APBB3: variants seen among roughly 807,000 people sequenced by gnomAD.
APBB3 encodes amyloid beta precursor protein binding family B member 3.
APBB3 carries 50 observed loss-of-function variants against 61.5 expected under a neutral mutation model. The observed-to-expected ratio is 0.81, with a 90% CI of 0.65 to 1.03. The LOEUF (loss-of-function observed/expected upper bound fraction) is 1.03. Ranked by LOEUF, APBB3 falls within the 50% of genes least tolerant of loss-of-function variation. The pLI is 0.00. For synonymous variants in APBB3, 235 were observed against 233.0 expected, an observed-to-expected ratio of 1.01 and a Z score of -0.08; for missense variants, 550 against 637.4, an observed-to-expected ratio of 0.86 and a Z score of 1.48.
chr5:140,564,252 G>A lies in APBB3; in HGVS notation c.-7C>T. ...TGTAATCCTTGCCCAGCATAACCCC[G>A]GCTGCTCCCCGCCAGCCTCTGCCGG... On this transcript the variant is annotated 5_prime_UTR_variant, in exon 1 of 13. Transcript: ENST00000357560. The surrounding 1 kb of genome is among the most constrained non-coding windows in gnomAD (Gnocchi z 5.0). 6.2e-7 allele frequency: 1 copy of A among 1,609,408 alleles called. No individual in the cohort carries two copies. Among genetic ancestry groups the A allele is most frequent in the Non-Finnish European group, 8.5e-7 (1 of 1,179,966 alleles).
chr5:140,564,523 A>C lies in APBB3; in HGVS notation c.-278T>G. The C allele has an allele frequency of 1.8e-6, 1 of 562,638 alleles. No individual in the cohort carries two copies. 34.9% of individuals were successfully genotyped at this position (562,638 alleles called of 1,614,324 possible). ...GTGTGGGTCCGGGGGAGGCCCACGA[A>C]CGCCAGCGAAACCGCTGACACCACC... On this transcript the variant is annotated 5_prime_UTR_variant, in exon 1 of 13. Coordinates refer to ENST00000357560, the MANE Select transcript of APBB3 (RefSeq NM_133173.3). This position sits in a 1 kb window ranked among gnomAD's most constrained non-coding sequence, Gnocchi z 5.0.
Position 140,560,222 on chromosome 5 carries a change from T to G in APBB3, c.1224+91A>C. 1 of 1,435,570 alleles carries G rather than the reference T, an allele frequency of 7.0e-7. No individual in the cohort carries two copies. Among genetic ancestry groups the G allele is most frequent in the Non-Finnish European group, 9.5e-7 (1 of 1,052,338 alleles). The allele number at this position is 1,435,570 out of a possible 1,614,324, so 88.9% of individuals were successfully genotyped here. On this transcript the variant is annotated intron_variant, in intron 12 of 12. Coordinates refer to ENST00000357560, the MANE Select transcript of APBB3 (RefSeq NM_133173.3). This position sits in a 1 kb window ranked among gnomAD's most constrained non-coding sequence, Gnocchi z 5.1. ...AACCAGAATCAGCCCAGGTTTGTGA[T>G]CTCTGAAGAGGCTGCCGACCCGGAG... is the stretch of plus-strand genomic sequence containing the variant.
Position 140,558,475 on chromosome 5 carries a change from G to T in APBB3, c.*110C>A. On this transcript the variant is annotated 3_prime_UTR_variant, in exon 13 of 13. Coordinates refer to ENST00000357560, the MANE Select transcript of APBB3 (RefSeq NM_133173.3). ...ATAGACGGTGGACAAGGATCGGAGG[G>T]ACAGGCAGAGAAGGCTTCAAGGAGT... The T allele has an allele frequency of 9.5e-7, 1 of 1,052,222 alleles. No homozygotes were observed. The highest frequency in any genetic ancestry group is 1.5e-6 in the Non-Finnish European group (1 of 673,064). The allele number at this position is 1,052,222 out of a possible 1,614,324, so 65.2% of individuals were successfully genotyped here.
At position 140,563,662 on chromosome 5, in the gene APBB3, C is replaced by A; in HGVS notation, c.222G>T (p.Glu74Asp). 1.2e-6 allele frequency: 2 copies of A among 1,614,200 alleles called. No homozygotes were observed. Among genetic ancestry groups the A allele is most frequent in the Non-Finnish European group, 1.7e-6 (2 of 1,180,028 alleles). ...GDAEDPGTGT[E>D]GIWGLRPPKG... ...TGGGGGGCCGCAGTCCCCAGATCCC[C>A]TCCGTTCCCTGTAGAGTGGGAGTTA... is the stretch of plus-strand genomic sequence containing the variant. The change falls in exon 3 of 13, where the codon GAG becomes GAT. Residue 74 changes from glutamate (E) to aspartate (D), a missense_variant. This residue lies in a region of APBB3 where 405 missense variants were observed against 483.4 expected (regional missense o/e 0.84). Transcript: ENST00000357560.
At position 140,560,712 on chromosome 5, in the gene APBB3, CT is replaced by C. The variant is rs768622535; in HGVS notation, c.958del (p.Arg320GlyfsTer19). The C allele has an allele frequency of 1.1e-5, 18 of 1,614,214 alleles. No homozygotes were observed. Among genetic ancestry groups the C allele is most frequent in the East Asian group, 4.5e-5 (2 of 44,884 alleles). Reference protein sequence around the residue: ...LNEAIGTLTARGDRNAWVPTM... With the variant: ...LNEAIGTLTAXGDRNAWVPTM... ...GGGGACCCAGGCATTCCGGTCCCCC[CT>C]GGCGGTGAGGGTACCAATGGCCTCG... On this transcript the variant is annotated frameshift_variant, in exon 11 of 13. Transcript: ENST00000357560. LOFTEE classifies it high-confidence loss of function. This position sits in a 1 kb window ranked among gnomAD's most constrained non-coding sequence, Gnocchi z 5.1.
intron 3 of APBB3, 27 bp from the exon 4 acceptor site, chr5:140,562,750 GACC>G (rs756911355): frequency 3.0e-5 from 49 of 1,613,060 alleles, no homozygotes; most frequent in Non-Finnish European, 4.1e-5. Context: ...CTGTTAAGAG[GACC>G]ACATTTCCTA....
chr5:140,563,969 T>A, intron 1 of APBB3, 54 bp from the exon 2 acceptor site: 1 of 1,591,512 alleles, frequency 6.3e-7, no homozygotes. Flanking sequence ...GAGTTCAGAA[T>A]AACATGCTGT....
At chr5:140,559,134 C>T (rs1754836947) in intron 12 of APBB3, among the ~76,000 whole-genome samples, 1 of 152,192 alleles carries the variant, frequency 6.6e-6, no homozygotes, top group Non-Finnish European at 1.5e-5. Context: ...CAAGGTCACA[C>T]AGCCAGAGAA....
intron 9 of APBB3, 69 bp downstream of exon 9, chr5:140,561,296 G>C: frequency 6.4e-7 from 1 of 1,570,972 alleles, no homozygotes; most frequent in South Asian, 1.1e-5. Context: ...TAAATAACCA[G>C]AAATCGCCCC....
chr5:140,564,113 C>T lies in APBB3; in HGVS notation c.49+84G>A. The T allele has an allele frequency of 3.8e-6, 6 of 1,585,116 alleles. No homozygotes were observed. The highest frequency in any genetic ancestry group is 4.3e-6 in the Non-Finnish European group (5 of 1,158,564). On this transcript the variant is annotated intron_variant, in intron 1 of 12. Transcript: ENST00000357560. This position sits in a 1 kb window ranked among gnomAD's most constrained non-coding sequence, Gnocchi z 5.0. ...CCCTACACAGAGAGGTATCCCCCAC[C>T]GTCTTTGAGCCCCAGAGTAGCCTTT...
rs974134601 is a variant in APBB3, at chr5:140,560,995, C to T, written c.916+23G>A. ...TCCCCTTGCCTCACACAGCCCACCACATGCAGCCCCCTCAGTCCTCACCCA... is the reference window on the plus strand; with the variant it reads ...TCCCCTTGCCTCACACAGCCCACCATATGCAGCCCCCTCAGTCCTCACCCA... On this transcript the variant is annotated intron_variant, in intron 10 of 12. Coordinates refer to ENST00000357560, the MANE Select transcript of APBB3 (RefSeq NM_133173.3). The surrounding 1 kb of genome is among the most constrained non-coding windows in gnomAD (Gnocchi z 5.1). 1.9e-6 allele frequency: 3 copies of T among 1,608,876 alleles called. No individual in the cohort carries two copies. In the East Asian group the frequency reaches 6.7e-5, roughly 36 times the overall value.
rs1032418452 is a variant in APBB3 at position 140,558,506 on chromosome 5, G to A, written c.*79C>T. ...CAGAGAAGGCTTCAAGGAGTGACAGGCTATAGGCCTTGAGGAATAAAACGG... is the reference window on the plus strand; with the variant it reads ...CAGAGAAGGCTTCAAGGAGTGACAGACTATAGGCCTTGAGGAATAAAACGG... On this transcript the variant is annotated 3_prime_UTR_variant, in exon 13 of 13. Coordinates refer to ENST00000357560, the MANE Select transcript of APBB3 (RefSeq NM_133173.3). 1.5e-6 allele frequency: 2 copies of A among 1,351,878 alleles called. No homozygotes were observed. Among genetic ancestry groups the A allele is most frequent in the Non-Finnish European group, 2.1e-6 (2 of 941,346 alleles). The allele number at this position is 1,351,878 out of a possible 1,614,324, so 83.7% of individuals were successfully genotyped here.
rs1755084847 is a variant in APBB3 at position 140,563,835 on chromosome 5, T to C, written c.130A>G (p.Thr44Ala). ...GWRKIHDAAG[T>A]YYWHVPSGST... ...CCGCTGGGTACATGCCAGTAGTAAG[T>C]ACCTGCAGCATCGTGGATCTTCCTC... The change falls in exon 2 of 13, where the codon ACT (threonine) becomes GCT (alanine). Residue 44 changes from threonine (T) to alanine (A), a missense_variant. Thr to Ala is a moderately conservative substitution (Grantham distance 58, BLOSUM62 0). Coordinates refer to ENST00000357560, the MANE Select transcript of APBB3 (RefSeq NM_133173.3). 6.2e-7 allele frequency: 1 copy of C among 1,614,154 alleles called. No individual in the cohort carries two copies. The highest frequency in any genetic ancestry group is 8.5e-7 in the Non-Finnish European group (1 of 1,180,018).
In APBB3 at chr5:140,562,108, G is replaced by A. The variant is rs1754985799; in HGVS notation, c.618C>T (p.Ser206=). ...VHIRVWGVGS[S]KGRDRDFAFV... is the part of the protein sequence containing the mutation. The stretch of plus-strand genomic sequence containing the variant: ...GATGTAGGCATCCTCACCGGCCCTT[G>A]GAGCTCCCCACGCCCCACACACGGA... Residue 206 remains serine, a synonymous_variant, in exon 6 of 13, where the codon TCC becomes TCT. Transcript: ENST00000357560. 2 of 1,613,998 alleles carry A rather than the reference G, an allele frequency of 1.2e-6. No homozygotes were observed. Among genetic ancestry groups the A allele is most frequent in the Non-Finnish European group, 1.7e-6 (2 of 1,179,944 alleles).
chr5:140,562,311 T>C (rs779278413), intron 5 of APBB3, 42 bp downstream of exon 5: 10 of 1,611,554 alleles, frequency 6.2e-6, no homozygotes, highest in African/African-American at 5.3e-5. Context: ...CTACCTCTGC[T>C]GGGCCCTGGG....
rs1755124308 is a variant in APBB3 at position 140,564,446 on chromosome 5, G to A, written c.-201C>T. On this transcript the variant is annotated 5_prime_UTR_variant, in exon 1 of 13. Coordinates refer to ENST00000357560, the MANE Select transcript of APBB3 (RefSeq NM_133173.3). The surrounding 1 kb of genome is among the most constrained non-coding windows in gnomAD (Gnocchi z 5.0). ...GCCTGAGCCGCACAGCCCGCCCAGG[G>A]GTGGTGCGTGTAAACGGGCGTCTGG... 3 of 612,470 alleles carry A rather than the reference G, an allele frequency of 4.9e-6. No homozygotes were observed. Among genetic ancestry groups the A allele is most frequent in the Admixed American group, 6.0e-5 (2 of 33,124 alleles). The allele number at this position is 612,470 out of a possible 1,614,324, so 37.9% of individuals were successfully genotyped here.
In APBB3 at chr5:140,562,372, GGA is replaced by G; in HGVS notation, c.477_478del (p.Pro160ArgfsTer6). The G allele has an allele frequency of 1.2e-6, 2 of 1,614,162 alleles. No individual in the cohort carries two copies. Among genetic ancestry groups the G allele is most frequent in the Non-Finnish European group, 1.7e-6 (2 of 1,180,028 alleles). ...ACTCACCTCACCCCAGGCACCATCT[GGA>G]GGCTGGCTCCGGCTGCGGGTCTGGG... is the stretch of plus-strand genomic sequence containing the variant. On this transcript the variant is annotated frameshift_variant, in exon 5 of 13. Coordinates refer to ENST00000357560, the MANE Select transcript of APBB3 (RefSeq NM_133173.3). LOFTEE classifies it high-confidence loss of function.
At chr5:140,562,892 T>C (rs1020843464) in intron 3 of APBB3, 169 bp from the exon 4 acceptor site, 9 of 631,930 alleles carry the variant, frequency 1.4e-5, no homozygotes, top group Admixed American at 3.0e-5. Context: ...TAACATAAAG[T>C]GTGACTCAGA....
At position 140,560,345 on chromosome 5, in the gene APBB3, C is replaced by G; in HGVS notation, c.1192G>C (p.Gly398Arg). The G allele has an allele frequency of 1.9e-6, 3 of 1,614,044 alleles. No homozygotes were observed. Among genetic ancestry groups the G allele is most frequent in the Non-Finnish European group, 2.5e-6 (3 of 1,179,960 alleles). ...GCAGCCTGCACAGCTTCAGAGAGTC[C>G]CCCTGCATGGGGCTGGCACCAGAAG... ...AAFWCQPHAG[G>R]LSEAVQAACM... is the part of the protein sequence containing the mutation. Residue 398 changes from glycine (G) to arginine (R), a missense_variant, in exon 12 of 13, where the codon GGA (glycine) becomes CGA (arginine). This residue lies in a region of APBB3 where 138 missense variants were observed against 132.6 expected (regional missense o/e 1.04). Transcript: ENST00000357560. The surrounding 1 kb of genome is among the most constrained non-coding windows in gnomAD (Gnocchi z 5.1).
Sources: allele counts gnomAD v4.1 joint callset (sites outside exome capture counted in the v4.1 genomes callset), GRCh38; gene constraint gnomAD v4.1.1; regional missense constraint gnomAD v4.1.1; non-coding constraint Gnocchi (gnomAD v3.1); transcripts MANE v1.5; gene names NCBI Gene and HGNC (gene_info 2026-07-23, HGNC 2026-07-21).